Variants in TMEM132D observed in about 807,000 individuals in gnomAD.
TMEM132D encodes transmembrane protein 132D, also known as mature OL transmembrane protein.
A neutral mutation model predicts 62.3 loss-of-function variants in TMEM132D; 21 were observed. That is an observed-to-expected ratio of 0.34 (90% CI 0.24 to 0.49). TMEM132D has a LOEUF of 0.49. Among genes scored for constraint, TMEM132D ranks in the 20% least tolerant of loss-of-function variants. The pLI is 0.99. For missense variants in TMEM132D, 1,346 were observed against 1,402.8 expected (o/e 0.96, Z 0.65); for synonymous variants, 621 against 575.6 (o/e 1.08, Z -1.13).
At chr12:129,183,490 G>A (rs11060187) in intron 5 of TMEM132D, among the ~76,000 whole-genome samples, 62,194 of 152,102 alleles carry the variant, frequency 0.41, 13,457 homozygotes, top group East Asian at 0.57. Flanking sequence ...CCTTCTTCAC[G>A]CCACCTGAGC....
intron 5 of TMEM132D, among the ~76,000 whole-genome samples, chr12:129,087,919 CCTG>C (rs1565959449): frequency 0.022 from 1,469 of 67,832 alleles, 182 homozygotes; most frequent in Non-Finnish European, 0.031. Flanking sequence ...GGGTGTCCTC[CCTG>C]ACCGGGTGTC....
At chr12:129,082,570 G>A (rs113638218) in intron 6 of TMEM132D, among the ~76,000 whole-genome samples, 62 of 152,218 alleles carry the variant, frequency 4.1e-4, no homozygotes, top group African/African-American at 1.4e-4. Flanking sequence ...GCCAGCAACC[G>A]CACGAGTGAG....
rs931602593 is a variant in TMEM132D, at chr12:129,829,247, T to C, written c.79+74014A>G. On this transcript the variant is annotated intron_variant, in intron 1 of 8. Coordinates refer to ENST00000422113, the MANE Select transcript of TMEM132D (RefSeq NM_133448.3). Reference sequence around the variant, plus strand: ...AAAACCAGAATCATGGTTAGAATAATCGTGGTTATTATAGAGTTCAGTGGC... The same window carrying C: ...AAAACCAGAATCATGGTTAGAATAACCGTGGTTATTATAGAGTTCAGTGGC... Among the ~76,000 whole-genome samples, 2 of 152,152 alleles carry C rather than the reference T, an allele frequency of 1.3e-5. 1 individual carries two copies. The highest frequency in any genetic ancestry group is 3.9e-4 in the East Asian group (2 of 5,166).
At chr12:129,305,430 C>A (rs1277752546) in intron 4 of TMEM132D, among the ~76,000 whole-genome samples, 2 of 152,178 alleles carry the variant, frequency 1.3e-5, no homozygotes. Flanking sequence ...CTCATGCCAC[C>A]TGCAAATAGC....
Position 129,084,529 on chromosome 12 carries a change from C to T in TMEM132D, c.1617G>A (p.Lys539=), listed in dbSNP as rs2135619484. 6.2e-7 allele frequency: 1 copy of T among 1,610,906 alleles called. No individual in the cohort carries two copies. The highest frequency in any genetic ancestry group is 8.5e-7 in the Non-Finnish European group (1 of 1,178,386). ...TGGAGACGATGGGCACTCTCCAACC[C>T]TTGATCTGATTGAGCTCGGTGTCGG... is the stretch of plus-strand genomic sequence containing the variant. ...EVSDTELNQI[K]GWRVPIVSSR... The change falls in exon 6 of 9, where the codon AAG becomes AAA. Residue 539 remains lysine (K), a synonymous_variant. Coordinates refer to ENST00000422113, the MANE Select transcript of TMEM132D (RefSeq NM_133448.3).
intron 1 of TMEM132D, among the ~76,000 whole-genome samples, chr12:129,809,128 TGA>T (rs1361450867): frequency 6.6e-6 from 1 of 151,976 alleles, no homozygotes; most frequent in Non-Finnish European, 1.5e-5. Flanking sequence ...GCCAACGTGG[TGA>T]AACCTCGTCT....
chr12:129,562,724 C>T (rs901817081), intron 2 of TMEM132D, among the ~76,000 whole-genome samples: 8 of 152,150 alleles, frequency 5.3e-5, no homozygotes, highest in Non-Finnish European at 1.2e-4. Flanking sequence ...CCCTGCCACT[C>T]CCCAAATCAC....
chr12:129,827,479 G>T lies in TMEM132D; in HGVS notation c.79+75782C>A, dbSNP rs943286155. 2.6e-5 allele frequency among the ~76,000 whole-genome samples: 4 copies of T among 151,856 alleles called. No individual in the cohort carries two copies. Among genetic ancestry groups the T allele is most frequent in the African/African-American group, 9.7e-5 (4 of 41,368 alleles). On this transcript the variant is annotated intron_variant, in intron 1 of 8. Transcript: ENST00000422113. This position sits in a 1 kb window ranked among gnomAD's most constrained non-coding sequence, Gnocchi z 9.7. ...GAGTAGAATTTGCAAAATACTAATG[G>T]GTATTTTGCAACTTTTTAACTATTT...
chr12:129,781,212 C>G (rs1377234378), intron 1 of TMEM132D, among the ~76,000 whole-genome samples: 1 of 152,118 alleles, frequency 6.6e-6, no homozygotes, highest in Admixed American at 6.5e-5. Flanking sequence ...CTTCTTGGCT[C>G]TTTATGCATA....
chr12:129,855,139 C>T (rs1302276015), intron 1 of TMEM132D, among the ~76,000 whole-genome samples: 1 of 122,978 alleles, frequency 8.1e-6, no homozygotes, highest in Non-Finnish European at 1.7e-5. Context: ...TAACAGAGTC[C>T]GGGGGAACGG....
At chr12:129,166,971 C>T (rs1462539040) in intron 5 of TMEM132D, among the ~76,000 whole-genome samples, 1 of 151,938 alleles carries the variant, frequency 6.6e-6, no homozygotes, top group Non-Finnish European at 1.5e-5. Flanking sequence ...CGAGACCAAC[C>T]TGGCCAACAT....
intron 4 of TMEM132D, among the ~76,000 whole-genome samples, chr12:129,291,038 A>G (rs182901433): frequency 5.3e-4 from 80 of 152,342 alleles, no homozygotes; most frequent in African/African-American, 1.8e-3. Context: ...TTTCCTGGAC[A>G]TGAATATTAA....
At position 129,252,002 on chromosome 12, in the gene TMEM132D, C is replaced by A. The variant is rs192707357; in HGVS notation, c.1300-42339G>T. Among the ~76,000 whole-genome samples the A allele has an allele frequency of 1.5e-3, 222 of 152,238 alleles. 1 individual carries two copies. The highest frequency in any genetic ancestry group is 6.8e-3 in the Middle Eastern group (2 of 294). ...ACCCTATACTTTTATGAAAAATAAA[C>A]CCCTATTGTGTTTGAGACATTGCAT... On this transcript the variant is annotated intron_variant, in intron 4 of 8. Transcript: ENST00000422113.
intron 2 of TMEM132D, among the ~76,000 whole-genome samples, chr12:129,631,490 AC>A (rs1879343154): frequency 6.6e-6 from 1 of 152,234 alleles, no homozygotes; most frequent in Non-Finnish European, 1.5e-5. Context: ...TTGCACACTA[AC>A]ACATTAAGGT....
chr12:129,190,022 T>G (rs1055069709), intron 5 of TMEM132D, among the ~76,000 whole-genome samples: 1 of 151,648 alleles, frequency 6.6e-6, no homozygotes, highest in Non-Finnish European at 1.5e-5. Flanking sequence ...AAGTCAGAGA[T>G]GCAACACGGC....
chr12:129,501,752 C>G (rs1238419971), intron 3 of TMEM132D, among the ~76,000 whole-genome samples: 4 of 152,066 alleles, frequency 2.6e-5, no homozygotes, highest in Admixed American at 2.6e-4. Flanking sequence ...CCAATCCGCT[C>G]ACCTCGGCCT....
At chr12:129,310,295 G>A (rs1186965133) in intron 4 of TMEM132D, among the ~76,000 whole-genome samples, 2 of 150,348 alleles carry the variant, frequency 1.3e-5, no homozygotes, top group Non-Finnish European at 1.5e-5. Flanking sequence ...AAAACAGAAG[G>A]GCATTGTGAG....
At chr12:129,369,730 T>G (rs1196878499) in intron 3 of TMEM132D, among the ~76,000 whole-genome samples, 1 of 152,230 alleles carries the variant, frequency 6.6e-6, no homozygotes, top group African/African-American at 2.4e-5. Context: ...CAATTGGATC[T>G]TTCAGCAGCA....
chr12:129,402,410 A>G (rs1335522557), intron 3 of TMEM132D, among the ~76,000 whole-genome samples: 1 of 152,156 alleles, frequency 6.6e-6, no homozygotes, highest in Non-Finnish European at 1.5e-5. Flanking sequence ...ATCGGCTACA[A>G]TCATCCCTCA....
Sources: gnomAD v4.1 joint callset for allele counts (sites outside exome capture counted in the v4.1 genomes callset) on GRCh38, gnomAD v4.1.1 for gene constraint, Gnocchi (gnomAD v3.1) non-coding constraint, MANE v1.5 for transcripts, NCBI Gene and HGNC (gene_info 2026-07-23, HGNC 2026-07-21) for gene names.